ZNF385D: variants seen among roughly 807,000 people sequenced by gnomAD.
ZNF385D encodes the protein zinc finger protein 385D.
A neutral mutation model predicts 35.8 loss-of-function variants in ZNF385D; 15 were observed. The ratio of observed to expected loss-of-function variants is 0.42; its 90% CI spans 0.28 to 0.64. ZNF385D has a LOEUF of 0.64. ZNF385D is among the 30% of genes least tolerant of loss of function. ZNF385D has a pLI of 0.23. For synonymous variants in ZNF385D, 212 were observed against 186.8 expected (o/e 1.13, Z -1.10); for missense variants, 474 against 494.6 (o/e 0.96, Z 0.39).
intron 3 of ZNF385D, among the ~76,000 whole-genome samples, chr3:22,146,972 A>G (rs1393959589): frequency 1.3e-5 from 2 of 152,204 alleles, no homozygotes; most frequent in Admixed American, 6.5e-5. Flanking sequence ...AAATAACAGT[A>G]AGCTAATCAA....
intron 3 of ZNF385D, among the ~76,000 whole-genome samples, chr3:22,111,046 A>C (rs2125644584): frequency 6.6e-6 from 1 of 152,080 alleles, no homozygotes; most frequent in Non-Finnish European, 1.5e-5. Flanking sequence ...AAGGCAAATT[A>C]AAATGCTATT....
chr3:21,579,634 T>C (rs936587040), intron 2 of ZNF385D: 4 of 152,154 alleles, frequency 2.6e-5, no homozygotes, highest in Non-Finnish European at 5.9e-5. Flanking sequence ...CTAGGACAGT[T>C]ATAACAAAAT....
At chr3:21,585,128 G>T (rs2063773736) in intron 2 of ZNF385D, among the ~76,000 whole-genome samples, 1 of 151,816 alleles carries the variant, frequency 6.6e-6, no homozygotes, top group East Asian at 1.9e-4. Context: ...AGTAATCTTG[G>T]TTCCTAAAAA....
intron 2 of ZNF385D, among the ~76,000 whole-genome samples, chr3:22,210,808 T>G (rs1043460267): frequency 1.3e-5 from 2 of 148,836 alleles, no homozygotes; most frequent in African/African-American, 2.5e-5. Context: ...TCTGGATCCA[T>G]GTACTTGAAA....
chr3:21,975,902 C>T (rs145153391), intron 3 of ZNF385D, among the ~76,000 whole-genome samples: 40 of 151,996 alleles, frequency 2.6e-4, no homozygotes, highest in Middle Eastern at 3.4e-3. Context: ...AAGATGCAAA[C>T]GAGCCAAGCA....
chr3:21,981,416 T>C (rs927878259), intron 3 of ZNF385D, among the ~76,000 whole-genome samples: 2 of 152,184 alleles, frequency 1.3e-5, no homozygotes, highest in African/African-American at 4.8e-5. Flanking sequence ...ATGAGGCTAT[T>C]TGTTTTTCTC....
intron 1 of ZNF385D, among the ~76,000 whole-genome samples, chr3:21,688,328 C>T (rs563635453): frequency 1.3e-5 from 2 of 151,728 alleles, no homozygotes; most frequent in South Asian, 2.1e-4. Context: ...TAAACAATGC[C>T]CCATCATTGG....
rs562577392 is a variant in ZNF385D, at chr3:22,305,511, C to T, written c.106+66939G>A. ...ACATTACAGTCAGCGTTGGGCTCTG[C>T]TTCATGTCATCTTCCCCGTGTCTCA... On this transcript the variant is annotated intron_variant, in intron 2 of 5. Transcript: ENST00000494108. 3.6e-3 allele frequency among the ~76,000 whole-genome samples: 552 copies of T among 152,262 alleles called. 4 individuals carry two copies. The highest frequency in any genetic ancestry group is 0.011 in the African/African-American group (469 of 41,552).
At chr3:22,185,507 G>A (rs1695570040) in intron 2 of ZNF385D, among the ~76,000 whole-genome samples, 1 of 152,094 alleles carries the variant, frequency 6.6e-6, no homozygotes, top group Non-Finnish European at 1.5e-5. Context: ...GTCTCACTCT[G>A]TCGTCCAGGC....
At chr3:22,077,305 T>A (rs975111602) in intron 3 of ZNF385D, among the ~76,000 whole-genome samples, 18 of 151,898 alleles carry the variant, frequency 1.2e-4, no homozygotes, top group African/African-American at 4.1e-4. Flanking sequence ...TTCTACTTCT[T>A]CCATGCCTAG....
At chr3:22,227,332 C>T (rs889080413) in intron 2 of ZNF385D, among the ~76,000 whole-genome samples, 1 of 152,042 alleles carries the variant, frequency 6.6e-6, no homozygotes, top group Admixed American at 6.5e-5. Context: ...TGTCCTCCTG[C>T]CATCTGCCCA....
At chr3:22,181,743 C>T (rs1695292628) in intron 2 of ZNF385D, among the ~76,000 whole-genome samples, 1 of 149,764 alleles carries the variant, frequency 6.7e-6, no homozygotes, top group South Asian at 2.1e-4. Flanking sequence ...ATGGGATATA[C>T]ATCATGAGTG....
intron 4 of ZNF385D, among the ~76,000 whole-genome samples, chr3:21,445,363 T>A (rs376587): frequency 2.0e-5 from 3 of 151,780 alleles, no homozygotes; most frequent in Non-Finnish European, 4.4e-5. Flanking sequence ...GTGGCTTGAC[T>A]TAAGCTCGCC....
intron 2 of ZNF385D, among the ~76,000 whole-genome samples, chr3:22,295,731 T>C (rs1169951800): frequency 2.6e-5 from 4 of 152,116 alleles, no homozygotes; most frequent in Non-Finnish European, 4.4e-5. Flanking sequence ...TGACTTCGGA[T>C]GTTTTAGGCA....
chr3:21,506,021 G>A (rs1706749250), intron 4 of ZNF385D, among the ~76,000 whole-genome samples: 1 of 152,132 alleles, frequency 6.6e-6, no homozygotes, highest in South Asian at 2.1e-4. Flanking sequence ...CCACCCTGCA[G>A]GCTGTAACTA....
intron 2 of ZNF385D, among the ~76,000 whole-genome samples, chr3:22,336,320 T>G (rs1426570171): frequency 2.0e-5 from 3 of 152,200 alleles, no homozygotes; most frequent in Non-Finnish European, 4.4e-5. Flanking sequence ...CTATTGCAAC[T>G]TGTACAATAC....
intron 1 of ZNF385D, among the ~76,000 whole-genome samples, chr3:21,743,607 A>C (rs992711545): frequency 6.6e-6 from 1 of 152,224 alleles, no homozygotes; most frequent in African/African-American, 2.4e-5. Context: ...TGGTGGAAAG[A>C]GGAAGCTCTC....
At chr3:21,700,947 G>C (rs2067659820) in intron 1 of ZNF385D, among the ~76,000 whole-genome samples, 1 of 152,104 alleles carries the variant, frequency 6.6e-6, no homozygotes, top group African/African-American at 2.4e-5. Flanking sequence ...CCGCCTCCAG[G>C]TGTACTCTAA....
At chr3:22,300,751 CAT>C (rs754562381) in intron 2 of ZNF385D, among the ~76,000 whole-genome samples, 30 of 152,026 alleles carry the variant, frequency 2.0e-4, no homozygotes, top group African/African-American at 5.8e-4. Flanking sequence ...TCACTTCACA[CAT>C]GTTAGAATAG....
Sources: gnomAD v4.1 joint callset for allele counts (sites outside exome capture counted in the v4.1 genomes callset) on GRCh38, gnomAD v4.1.1 for gene constraint, MANE v1.5 for transcripts, NCBI Gene and HGNC (gene_info 2026-07-23, HGNC 2026-07-21) for gene names.